The following PLA2G4A variants were observed in gnomAD, a reference collection of about 807,000 sequenced individuals.
PLA2G4A encodes the protein phospholipase A2 group IVA, also known as cytosolic phospholipase A2.
A neutral mutation model predicts 81.9 loss-of-function variants in PLA2G4A; 40 were observed. That is an observed-to-expected ratio of 0.49 (90% CI 0.38 to 0.64). PLA2G4A has a LOEUF of 0.64. Among genes scored for constraint, PLA2G4A ranks in the 30% least tolerant of loss-of-function variants. The pLI is 0.00. For synonymous variants in PLA2G4A, 302 were observed against 296.9 expected (o/e 1.02, Z -0.18); for missense variants, 715 against 905.1 (o/e 0.79, Z 2.69).
intron 7 of PLA2G4A, among the ~76,000 whole-genome samples, chr1:186,915,555 G>C (rs1655107255): frequency 6.6e-6 from 1 of 152,144 alleles, no homozygotes; most frequent in African/African-American, 2.4e-5. Flanking sequence ...GGGAAGCCCA[G>C]GAATTTGCCT....
rs765341655 is a variant in PLA2G4A at position 186,870,431 on chromosome 1, C to G, written c.34-4C>G. On this transcript the variant is annotated splice_region_variant and splice_polypyrimidine_tract_variant and intron_variant, in intron 2 of 17. Coordinates refer to ENST00000367466, the MANE Select transcript of PLA2G4A (RefSeq NM_024420.3). ...TTTTAAATTTACTGTCATTTTATTT[C>G]CAGGTGGAGCACCAGTATTCCCACA... The G allele has an allele frequency of 8.3e-6, 13 of 1,558,358 alleles. No individual in the cohort carries two copies. Among genetic ancestry groups the G allele is most frequent in the Non-Finnish European group, 1.2e-5 (13 of 1,129,376 alleles).
chr1:186,866,853 G>A (rs1194782495), intron 2 of PLA2G4A, among the ~76,000 whole-genome samples: 2 of 152,030 alleles, frequency 1.3e-5, no homozygotes, highest in Non-Finnish European at 2.9e-5. Flanking sequence ...ATTTTCAAGA[G>A]CATTTTCTCA....
At chr1:186,946,550 A>T in intron 10 of PLA2G4A, 87 bp from the exon 11 acceptor site, 1 of 926,668 alleles carries the variant, frequency 1.1e-6, no homozygotes, top group Non-Finnish European at 1.8e-6. Context: ...GAATAAGCAT[A>T]ACATTATTAA....
intron 5 of PLA2G4A, among the ~76,000 whole-genome samples, chr1:186,897,949 T>G (rs1654397832): frequency 6.6e-6 from 1 of 152,178 alleles, no homozygotes; most frequent in Admixed American, 6.5e-5. Context: ...GTTTTTCAAC[T>G]CTTGCTCCTC....
chr1:186,854,852 A>G (rs1341790054), intron 2 of PLA2G4A, among the ~76,000 whole-genome samples: 1 of 151,958 alleles, frequency 6.6e-6, no homozygotes, highest in Non-Finnish European at 1.5e-5. Context: ...ATTTTAGTGA[A>G]GAGTTAAGTA....
At chr1:186,967,458 A>G (rs4650711) in intron 15 of PLA2G4A, among the ~76,000 whole-genome samples, 146,048 of 152,154 alleles carry the variant, frequency 0.96, 70,167 homozygotes, top group South Asian at 0.98. Context: ...CACACTGTTC[A>G]TGAACTCTTT....
Position 186,956,219 on chromosome 1 carries a change from G to A in PLA2G4A, c.1454G>A (p.Arg485His), listed in dbSNP as rs121434635. 4 of 1,613,972 alleles carry A rather than the reference G, an allele frequency of 2.5e-6. No homozygotes were observed. Among genetic ancestry groups the A allele is most frequent in the South Asian group, 1.1e-5 (1 of 91,080 alleles). The change falls in exon 14 of 18, where the codon CGT (arginine) becomes CAT (histidine). Residue 485 changes from arginine (R) to histidine (H), a missense_variant. Arg to His is a conservative substitution (Grantham distance 29). Coordinates refer to ENST00000367466, the MANE Select transcript of PLA2G4A (RefSeq NM_024420.3). ...DSALFNTREG[R>H]AGKVHNFMLG... ...GCTTTATTCAATACCAGAGAAGGAC[G>A]TGCTGGGAAGGTACACAACTTCATG...
At chr1:186,938,150 T>TA (rs1267266060) in intron 8 of PLA2G4A, among the ~76,000 whole-genome samples, 2 of 152,072 alleles carry the variant, frequency 1.3e-5, no homozygotes, top group Non-Finnish European at 2.9e-5. Flanking sequence ...TCACTGAGGC[T>TA]AAAAAAGATG....
intron 3 of PLA2G4A, among the ~76,000 whole-genome samples, chr1:186,880,207 G>A (rs1422541164): frequency 6.6e-6 from 1 of 151,982 alleles, no homozygotes; most frequent in Non-Finnish European, 1.5e-5. Context: ...GCCAATAAGA[G>A]AAGACTTTAC....
chr1:186,963,993 T>C (rs2102273615), intron 14 of PLA2G4A, among the ~76,000 whole-genome samples: 1 of 152,358 alleles, frequency 6.6e-6, no homozygotes, highest in South Asian at 2.1e-4. Context: ...TAAGTAAAAC[T>C]GACTATAGGA....
intron 1 of PLA2G4A, among the ~76,000 whole-genome samples, chr1:186,830,949 G>T (rs79383079): frequency 2.1e-3 from 94 of 44,894 alleles, no homozygotes; most frequent in South Asian, 6.0e-3. Flanking sequence ...TTGCTTGCTT[G>T]CTTGCTTGCT....
At chr1:186,980,306 A>AC (rs12720697) in intron 17 of PLA2G4A, among the ~76,000 whole-genome samples, 171 of 152,340 alleles carry the variant, frequency 1.1e-3, no homozygotes, top group African/African-American at 3.8e-3. Context: ...CATTGTCTTC[A>AC]GTATCAATCC....
intron 10 of PLA2G4A, among the ~76,000 whole-genome samples, chr1:186,940,684 A>G (rs903848751): frequency 1.3e-5 from 2 of 152,232 alleles, no homozygotes; most frequent in Non-Finnish European, 2.9e-5. Context: ...GGGAATAATT[A>G]CAAGGAACAA....
At chr1:186,977,966 A>G (rs185528374) in intron 16 of PLA2G4A, among the ~76,000 whole-genome samples, 178 bp downstream of exon 16, 94 of 152,338 alleles carry the variant, frequency 6.2e-4, no homozygotes, top group African/African-American at 2.3e-3. Flanking sequence ...TCTTACCCCA[A>G]GATCCCCTGA....
At chr1:186,972,915 T>A (rs1031966036) in intron 15 of PLA2G4A, among the ~76,000 whole-genome samples, 8 of 152,208 alleles carry the variant, frequency 5.3e-5, no homozygotes, top group Admixed American at 3.9e-4. Context: ...GATTTATTTG[T>A]TGAAACGAGG....
intron 12 of PLA2G4A, among the ~76,000 whole-genome samples, chr1:186,949,331 GAAAGAAGA>G (rs1265058302): frequency 1.0e-5 from 1 of 99,718 alleles, no homozygotes; most frequent in Non-Finnish European, 2.2e-5. Flanking sequence ...AGGAAGGAAG[GAAAGAAGA>G]AAGAAAGAGA....
chr1:186,856,546 T>C (rs1652560725), intron 2 of PLA2G4A, among the ~76,000 whole-genome samples: 1 of 152,028 alleles, frequency 6.6e-6, no homozygotes, highest in Non-Finnish European at 1.5e-5. Context: ...TCCACTACCA[T>C]GCCTGGCTAA....
chr1:186,888,358 G>C (rs897907008), intron 3 of PLA2G4A, among the ~76,000 whole-genome samples: 7 of 152,074 alleles, frequency 4.6e-5, no homozygotes, highest in Non-Finnish European at 8.8e-5. Flanking sequence ...GACTCATGGT[G>C]CTTCTCAATT....
chr1:186,886,767 A>G (rs1038522357), intron 3 of PLA2G4A, among the ~76,000 whole-genome samples: 2 of 152,170 alleles, frequency 1.3e-5, no homozygotes, highest in Non-Finnish European at 2.9e-5. Context: ...ATAGAAGTAA[A>G]TGACTGGACT....
Sources: gnomAD v4.1 joint callset for allele counts (sites outside exome capture counted in the v4.1 genomes callset) on GRCh38, gnomAD v4.1.1 for gene constraint, MANE v1.5 for transcripts, NCBI Gene and HGNC (gene_info 2026-07-23, HGNC 2026-07-21) for gene names.